The following AOAH variants were observed in gnomAD, a reference collection of about 807,000 sequenced individuals.
AOAH encodes acyloxyacyl hydrolase (neutrophil).
AOAH carries 64 observed loss-of-function variants against 92.2 expected under a neutral mutation model. The observed-to-expected ratio is 0.69, with a 90% confidence interval of 0.57 to 0.86. The LOEUF (loss-of-function observed/expected upper bound fraction) is 0.86. AOAH is among the 40% of genes least tolerant of loss of function. The pLI, the probability that AOAH is intolerant of heterozygous loss-of-function variation, is 0.00. For synonymous variants in AOAH, 263 were observed against 254.5 expected, an observed-to-expected ratio of 1.03 and a Z score of -0.32; for missense variants, 656 against 694.6, an observed-to-expected ratio of 0.94 and a Z score of 0.62.
intron 15 of AOAH, among the ~76,000 whole-genome samples, chr7:36,547,820 G>T (rs1394279198): frequency 1.3e-5 from 2 of 152,154 alleles, no homozygotes; most frequent in African/African-American, 4.8e-5. Context: ...CAGCAGTTTA[G>T]CAAAATCACC....
At chr7:36,677,968 A>G (rs1462029135) in intron 2 of AOAH, among the ~76,000 whole-genome samples, 3 of 152,154 alleles carry the variant, frequency 2.0e-5, no homozygotes, top group Non-Finnish European at 4.4e-5. Flanking sequence ...TTGGGGGCGG[A>G]TGCTAAAAGG....
intron 3 of AOAH, among the ~76,000 whole-genome samples, chr7:36,662,272 G>A (rs1047581363): frequency 6.6e-6 from 1 of 152,214 alleles, no homozygotes; most frequent in African/African-American, 2.4e-5. Flanking sequence ...AGGTGTGGCT[G>A]GCAAGATGGT....
At chr7:36,582,728 G>A (rs1789020513) in intron 12 of AOAH, among the ~76,000 whole-genome samples, 6 of 152,124 alleles carry the variant, frequency 3.9e-5, no homozygotes, top group Admixed American at 3.9e-4. Flanking sequence ...TTTGGAGAGA[G>A]GCAAAAATGG....
At chr7:36,594,499 A>G (rs1789971240) in intron 11 of AOAH, 69 bp from the exon 12 acceptor site, 9 of 1,307,856 alleles carry the variant, frequency 6.9e-6, no homozygotes, top group South Asian at 2.4e-5. Context: ...AAGAAAATTC[A>G]TGGCCTGAGT....
intron 11 of AOAH, among the ~76,000 whole-genome samples, chr7:36,606,825 T>G (rs1791041258): frequency 6.6e-6 from 1 of 152,210 alleles, no homozygotes; most frequent in Non-Finnish European, 1.5e-5. Context: ...CTTTGACATC[T>G]TTCTAAGTTG....
chr7:36,561,965 A>G (rs556900845), intron 13 of AOAH, among the ~76,000 whole-genome samples: 4 of 152,300 alleles, frequency 2.6e-5, no homozygotes, highest in African/African-American at 9.6e-5. Context: ...GCAATCACAA[A>G]CAGCTACCCA....
At chr7:36,653,992 T>C (rs899442410) in intron 4 of AOAH, among the ~76,000 whole-genome samples, 4 of 152,166 alleles carry the variant, frequency 2.6e-5, no homozygotes, top group Admixed American at 6.5e-5. Flanking sequence ...AACCACTGGA[T>C]ACACACGAAT....
intron 12 of AOAH, among the ~76,000 whole-genome samples, chr7:36,577,676 G>A (rs1033955760): frequency 6.6e-6 from 1 of 152,066 alleles, no homozygotes; most frequent in African/African-American, 2.4e-5. Flanking sequence ...TAATATAGAT[G>A]TAAGTAGTTT....
intron 19 of AOAH, among the ~76,000 whole-genome samples, chr7:36,525,084 C>T (rs1462141338): frequency 6.6e-6 from 1 of 152,194 alleles, no homozygotes; most frequent in African/African-American, 2.4e-5. Context: ...AATAGATGCA[C>T]AGCAAACCAT....
chr7:36,572,388 G>A (rs532655594), intron 13 of AOAH, among the ~76,000 whole-genome samples: 46 of 152,036 alleles, frequency 3.0e-4, no homozygotes, highest in African/African-American at 1.0e-3. Context: ...GTCAGGTGTG[G>A]TGGTACATGC....
intron 15 of AOAH, among the ~76,000 whole-genome samples, chr7:36,544,495 C>G (rs73342537): frequency 2.7e-3 from 411 of 152,256 alleles, no homozygotes; most frequent in African/African-American, 9.7e-3. Flanking sequence ...AGCACCCCTT[C>G]TCACACACCA....
intron 13 of AOAH, among the ~76,000 whole-genome samples, chr7:36,555,821 C>T (rs188703331): frequency 5.8e-4 from 88 of 152,264 alleles, no homozygotes; most frequent in Middle Eastern, 6.8e-3. Flanking sequence ...TCTGTGGGAT[C>T]GGTGGTGATA....
intron 1 of AOAH, chr7:36,690,098 C>T (rs911672431): frequency 6.8e-6 from 3 of 441,172 alleles, no homozygotes; most frequent in Non-Finnish European, 1.4e-5. Flanking sequence ...TGTACTTACA[C>T]ATATGGGCTT....
At chr7:36,654,125 G>GTGTGCATGCATCCCTGTGCGTGTGTGTA (rs1491110575) in intron 4 of AOAH, among the ~76,000 whole-genome samples, 1 of 114,146 alleles carries the variant, frequency 8.8e-6, no homozygotes, top group Non-Finnish European at 2.0e-5. Context: ...GTGCGTGTGT[G>GTGTGCATGCATCCCTGTGCGTGTGTGTA]CGTACACACA....
intron 11 of AOAH, among the ~76,000 whole-genome samples, chr7:36,602,146 C>T (rs1790658745): frequency 6.6e-6 from 1 of 152,096 alleles, no homozygotes; most frequent in Non-Finnish European, 1.5e-5. Flanking sequence ...AATAAACAAT[C>T]AAATAAAAAA....
chr7:36,716,955 C>A (rs1419160451), intron 1 of AOAH, among the ~76,000 whole-genome samples: 1 of 148,804 alleles, frequency 6.7e-6, no homozygotes, highest in African/African-American at 2.5e-5. Context: ...CACATGTACC[C>A]TAAAACTTAA....
intron 3 of AOAH, among the ~76,000 whole-genome samples, chr7:36,671,129 G>C (rs891226593): frequency 4.6e-5 from 7 of 152,176 alleles, no homozygotes; most frequent in African/African-American, 1.7e-4. Context: ...TCATCAAATA[G>C]ACGAAAAGGG....
At chr7:36,619,402 C>G (rs1433097175) in intron 9 of AOAH, among the ~76,000 whole-genome samples, 3 of 152,208 alleles carry the variant, frequency 2.0e-5, no homozygotes, top group Non-Finnish European at 4.4e-5. Context: ...AGTACAGTCT[C>G]TCACTTGGCC....
At chr7:36,571,773 GC>G (rs1788165918) in intron 13 of AOAH, among the ~76,000 whole-genome samples, 1 of 152,090 alleles carries the variant, frequency 6.6e-6, no homozygotes, top group Non-Finnish European at 1.5e-5. Context: ...CAACCCTAGA[GC>G]CCTTCTGCTG....
Sources: gnomAD v4.1 joint callset for allele counts (sites outside exome capture counted in the v4.1 genomes callset) on GRCh38, gnomAD v4.1.1 for gene constraint, MANE v1.5 for transcripts, NCBI Gene and HGNC (gene_info 2026-07-23, HGNC 2026-07-21) for gene names.